Variants in LHFPL3 observed in about 807,000 individuals in gnomAD.
LHFPL3 encodes LHFPL tetraspan subfamily member 3 protein.
A neutral mutation model predicts 19.3 loss-of-function variants in LHFPL3; 5 were observed. That is an observed-to-expected ratio of 0.26 (90% CI 0.14 to 0.54). The LOEUF (loss-of-function observed/expected upper bound fraction) is 0.54. Among genes scored for constraint, LHFPL3 ranks in the 20% least tolerant of loss-of-function variants. LHFPL3 has a pLI of 0.94. For synonymous variants in LHFPL3, 133 were observed against 126.2 expected, an observed-to-expected ratio of 1.05 and a Z score of -0.36; for missense variants, 249 against 307.4, an observed-to-expected ratio of 0.81 and a Z score of 1.42.
intron 1 of LHFPL3, among the ~76,000 whole-genome samples, chr7:104,700,505 A>G (rs1004418089): frequency 6.6e-6 from 1 of 152,216 alleles, no homozygotes; most frequent in East Asian, 1.9e-4. Flanking sequence ...CCTATATGAC[A>G]TATCTTGCAA....
chr7:104,396,592 C>G (rs1791189485), intron 1 of LHFPL3, among the ~76,000 whole-genome samples: 1 of 150,540 alleles, frequency 6.6e-6, no homozygotes, highest in African/African-American at 2.5e-5. Context: ...CAGCCCATAC[C>G]CTTCATTAGA....
Position 104,329,161 on chromosome 7 carries a change from C to G in LHFPL3, c.382C>G (p.Leu128Val), listed in dbSNP as rs1562865606. The change falls in exon 1 of 3, where the codon CTC (leucine) becomes GTC (valine). Residue 128 changes from leucine to valine, a missense_variant. Coordinates refer to ENST00000424859, the MANE Select transcript of LHFPL3 (RefSeq NM_199000.3). ...LIIACIICFTLFFFCNTATVY... is the reference protein window; with the variant it reads ...LIIACIICFTVFFFCNTATVY... ...CATTGCCTGCATCATTTGCTTTACC[C>G]TCTTCTTCTTCTGCAACACGGCCAC... 6.2e-7 allele frequency: 1 copy of G among 1,613,996 alleles called. No individual in the cohort carries two copies. The highest frequency in any genetic ancestry group is 8.5e-7 in the Non-Finnish European group (1 of 1,179,846).
intron 1 of LHFPL3, among the ~76,000 whole-genome samples, chr7:104,658,571 C>T (rs1181535944): frequency 6.6e-6 from 1 of 152,136 alleles, no homozygotes; most frequent in Non-Finnish European, 1.5e-5. Flanking sequence ...GAGGCCGAGG[C>T]AGGTGGATCA....
chr7:104,832,992 C>T (rs1263148759), intron 2 of LHFPL3, among the ~76,000 whole-genome samples: 2 of 4,294 alleles, frequency 4.7e-4, no homozygotes, highest in South Asian at 7.8e-3. Flanking sequence ...GGTTATAGGA[C>T]ATATATATTA....
At chr7:104,807,920 G>T (rs138853075) in intron 2 of LHFPL3, among the ~76,000 whole-genome samples, 19 of 152,344 alleles carry the variant, frequency 1.2e-4, no homozygotes, top group African/African-American at 4.6e-4. Flanking sequence ...TTCTTTAGAA[G>T]AAATCATAGT....
At chr7:104,689,849 C>T (rs1008903866) in intron 1 of LHFPL3, among the ~76,000 whole-genome samples, 11 of 152,178 alleles carry the variant, frequency 7.2e-5, no homozygotes, top group African/African-American at 1.9e-4. Flanking sequence ...ATTTGGTCCC[C>T]GGACTCATTC....
intron 1 of LHFPL3, among the ~76,000 whole-genome samples, chr7:104,517,068 C>T (rs1436122891): frequency 6.6e-6 from 1 of 152,088 alleles, no homozygotes; most frequent in Non-Finnish European, 1.5e-5. Flanking sequence ...CACATGTTCT[C>T]ACTTATAAGT....
chr7:104,514,563 A>G (rs913098785), intron 1 of LHFPL3, among the ~76,000 whole-genome samples: 1 of 152,196 alleles, frequency 6.6e-6, no homozygotes. Flanking sequence ...CAGCAGAGCT[A>G]GAAGATATAA....
intron 1 of LHFPL3, among the ~76,000 whole-genome samples, chr7:104,362,851 C>T (rs765770485): frequency 3.9e-5 from 6 of 152,176 alleles, no homozygotes. Context: ...AAAGCTGTCC[C>T]CTTGTGCTGA....
rs180880515 is a variant in LHFPL3, at chr7:104,818,549, T to G, written c.682+81638T>G. Among the ~76,000 whole-genome samples, 173 of 152,304 alleles carry G rather than the reference T, an allele frequency of 1.1e-3. 1 individual carries two copies. Among genetic ancestry groups the G allele is most frequent in the African/African-American group, 3.9e-3 (163 of 41,568 alleles). On this transcript the variant is annotated intron_variant, in intron 2 of 2. Transcript: ENST00000424859. ...TAATTTCCATTATTACAGTTTCAGT[T>G]TTATGCTTCACCCCATTAAGATTCT...
At chr7:104,585,032 A>G (rs928024849) in intron 1 of LHFPL3, among the ~76,000 whole-genome samples, 6 of 152,268 alleles carry the variant, frequency 3.9e-5, no homozygotes, top group Admixed American at 1.3e-4. Flanking sequence ...CAGTCCTTCC[A>G]TGCCACCTAA....
chr7:104,884,083 A>C (rs1436135199), intron 2 of LHFPL3, among the ~76,000 whole-genome samples: 1 of 152,174 alleles, frequency 6.6e-6, no homozygotes, highest in Non-Finnish European at 1.5e-5. Flanking sequence ...GATAATAAGA[A>C]GTGGTAAGAA....
rs543433997 is a variant in LHFPL3 at position 104,828,292 on chromosome 7, A to C, written c.683-77895A>C. Among the ~76,000 whole-genome samples the C allele has an allele frequency of 2.0e-5, 3 of 151,996 alleles. No individual in the cohort carries two copies. The South Asian group carries it at 6.2e-4, about 32-fold the overall frequency. Reference sequence around the variant, plus strand: ...TTAGAACATAGAGGCAGGGCTCCTGAGTCTCTGTCCCCACCAACCTCAAAT... The same window carrying C: ...TTAGAACATAGAGGCAGGGCTCCTGCGTCTCTGTCCCCACCAACCTCAAAT... On this transcript the variant is annotated intron_variant, in intron 2 of 2. Transcript: ENST00000424859.
At chr7:104,891,322 C>T (rs1415517991) in intron 2 of LHFPL3, among the ~76,000 whole-genome samples, 1 of 152,038 alleles carries the variant, frequency 6.6e-6, no homozygotes, top group African/African-American at 2.4e-5. Flanking sequence ...CTGGTGAGGG[C>T]CTTCTGGCTG....
In LHFPL3 at chr7:104,583,453, G is replaced by A. The variant is rs372115697; in HGVS notation, c.446-153222G>A. 2.2e-4 allele frequency among the ~76,000 whole-genome samples: 33 copies of A among 152,230 alleles called. No individual in the cohort carries two copies. The East Asian group carries it at 3.9e-3, about 18-fold the overall frequency. ...AGCAATCGCAACAAAAGCCAAAATTGACAAATGGGATCTAATTAAACTAAA... is the reference window on the plus strand; with the variant it reads ...AGCAATCGCAACAAAAGCCAAAATTAACAAATGGGATCTAATTAAACTAAA... On this transcript the variant is annotated intron_variant, in intron 1 of 2. Transcript: ENST00000424859.
rs148941938 is a variant in LHFPL3 at position 104,460,285 on chromosome 7, A to G, written c.445+131061A>G. Among the ~76,000 whole-genome samples, 294 of 152,286 alleles carry G rather than the reference A, an allele frequency of 1.9e-3. 1 individual carries two copies. The highest frequency in any genetic ancestry group is 3.0e-3 in the Non-Finnish European group (201 of 68,030). On this transcript the variant is annotated intron_variant, in intron 1 of 2. Transcript: ENST00000424859. ...TTTCAGTTGATTCCATGTCTTTGCT[A>G]TTGTGAATAGTACTACAGTGAACAT...
intron 1 of LHFPL3, among the ~76,000 whole-genome samples, chr7:104,396,802 C>T (rs887904422): frequency 1.3e-5 from 2 of 151,862 alleles, no homozygotes; most frequent in Non-Finnish European, 2.9e-5. Flanking sequence ...ACCAAAAACA[C>T]ACACACACAC....
intron 1 of LHFPL3, among the ~76,000 whole-genome samples, chr7:104,497,873 G>C (rs112380909): frequency 6.6e-6 from 1 of 152,156 alleles, no homozygotes; most frequent in African/African-American, 2.4e-5. Flanking sequence ...CCTGACACCT[G>C]AGTCACAAGG....
intron 1 of LHFPL3, among the ~76,000 whole-genome samples, chr7:104,701,663 G>A (rs1320541412): frequency 6.6e-6 from 1 of 152,120 alleles, no homozygotes; most frequent in Non-Finnish European, 1.5e-5. Flanking sequence ...AAGCGGACCT[G>A]CAGAGTTCAA....
Sources: allele counts gnomAD v4.1 joint callset (sites outside exome capture counted in the v4.1 genomes callset), GRCh38; gene constraint gnomAD v4.1.1; transcripts MANE v1.5; gene names NCBI Gene and HGNC (gene_info 2026-07-23, HGNC 2026-07-21).